Variants in C8orf89 observed in about 807,000 individuals in gnomAD.
C8orf89 encodes putative uncharacterized protein C8orf89.
Under a neutral mutation model 15.8 loss-of-function variants are expected in C8orf89, and 14 were observed. The observed-to-expected ratio is 0.89, with a 90% confidence interval of 0.59 to 1.39. The LOEUF (loss-of-function observed/expected upper bound fraction) is 1.39. C8orf89 is among the 40% of genes most tolerant of loss of function. The pLI is 0.00. For synonymous variants in C8orf89, 55 were observed against 62.2 expected, an observed-to-expected ratio of 0.88 and a Z score of 0.54; for missense variants, 181 against 184.5, an observed-to-expected ratio of 0.98 and a Z score of 0.11.
intron 3 of C8orf89, among the ~76,000 whole-genome samples, chr8:73,249,973 T>C (rs999723221): frequency 1.3e-5 from 2 of 152,136 alleles, no homozygotes; most frequent in South Asian, 2.1e-4. Flanking sequence ...TTTTAGGCTT[T>C]TTTTGTGGTA....
intron 3 of C8orf89, among the ~76,000 whole-genome samples, chr8:73,243,954 A>T (rs1184790736): frequency 6.6e-6 from 1 of 152,174 alleles, no homozygotes; most frequent in African/African-American, 2.4e-5. Flanking sequence ...AAAAACCGCA[A>T]TTACTTTTGC....
intron 3 of C8orf89, among the ~76,000 whole-genome samples, chr8:73,247,238 C>A (rs1385905616): frequency 2.1e-5 from 3 of 145,624 alleles, no homozygotes; most frequent in Non-Finnish European, 4.5e-5. Flanking sequence ...ATAATGGCCT[C>A]CAGCTCCATC....
the C8orf89 span, among the ~76,000 whole-genome samples, chr8:73,272,724 G>A: frequency 2.6e-4 from 39 of 152,072 alleles, no homozygotes; most frequent in African/African-American, 8.7e-4. Flanking sequence ...TTGTCCTTGC[G>A]ATAGTTTGCT....
chr8:73,276,238 G>T, the C8orf89 span, among the ~76,000 whole-genome samples: 1 of 146,418 alleles, frequency 6.8e-6, no homozygotes, highest in Non-Finnish European at 1.5e-5. Context: ...GTGCAGTGGT[G>T]CAATCTCGGC....
chr8:73,279,274 G>T, the C8orf89 span, among the ~76,000 whole-genome samples: 280 of 152,258 alleles, frequency 1.8e-3, no homozygotes, highest in African/African-American at 6.4e-3. Flanking sequence ...AGGATTCCTT[G>T]AATTACAGGA....
At chr8:73,252,270 G>C (rs1813267242) in intron 2 of C8orf89, among the ~76,000 whole-genome samples, 2 of 152,114 alleles carry the variant, frequency 1.3e-5, no homozygotes, top group East Asian at 3.8e-4. Flanking sequence ...TCCAACTATA[G>C]GAAGTGATGA....
the C8orf89 span, among the ~76,000 whole-genome samples, chr8:73,270,438 G>A: frequency 6.6e-6 from 1 of 152,128 alleles, no homozygotes; most frequent in Non-Finnish European, 1.5e-5. Context: ...TAATTTTTGA[G>A]TTAAACAAAC....
the C8orf89 span, among the ~76,000 whole-genome samples, chr8:73,273,033 A>G: frequency 1.8e-4 from 27 of 152,376 alleles, no homozygotes; most frequent in African/African-American, 6.5e-4. Context: ...CAGAGAAATT[A>G]GGAGCCTCAA....
the C8orf89 span, among the ~76,000 whole-genome samples, chr8:73,282,072 C>G: frequency 6.6e-6 from 1 of 152,216 alleles, no homozygotes; most frequent in South Asian, 2.1e-4. Context: ...ATGTTGGGAT[C>G]TGTTTGTCAC....
At chr8:73,269,526 T>A in the C8orf89 span, among the ~76,000 whole-genome samples, 1 of 152,246 alleles carries the variant, frequency 6.6e-6, no homozygotes, top group Non-Finnish European at 1.5e-5. Context: ...CAATGGCAGA[T>A]GCACAGTGTT....
chr8:73,259,108 A>G (rs1224347979), intron 1 of C8orf89, among the ~76,000 whole-genome samples: 1 of 152,210 alleles, frequency 6.6e-6, no homozygotes, highest in Non-Finnish European at 1.5e-5. Context: ...TTGAGTTTAA[A>G]AAAAAAGAAA....
At chr8:73,274,733 T>A in the C8orf89 span, among the ~76,000 whole-genome samples, 1 of 152,180 alleles carries the variant, frequency 6.6e-6, no homozygotes, top group Admixed American at 6.5e-5. Context: ...TAACTGCACG[T>A]AGGTATAGGA....
Position 73,257,042 on chromosome 8 carries a change from CTT to C in C8orf89, c.210_211del (p.Ser71CysfsTer10). ...AACCTCTAGTGGAGTTGAACTTACA[CTT>C]TTTTGGCAACTTTGCAGTCCTGGTA... On this transcript the variant is annotated frameshift_variant, in exon 2 of 4. Transcript: ENST00000624510. LOFTEE classifies it high-confidence loss of function. 3 of 1,535,852 alleles carry C rather than the reference CTT, an allele frequency of 2.0e-6. No individual in the cohort carries two copies. The highest frequency in any genetic ancestry group is 2.6e-6 in the Non-Finnish European group (3 of 1,146,774).
chr8:73,255,016 TAGA>T (rs1484116823), intron 2 of C8orf89, among the ~76,000 whole-genome samples: 1 of 152,008 alleles, frequency 6.6e-6, no homozygotes, highest in Non-Finnish European at 1.5e-5. Context: ...ATAAAAACCC[TAGA>T]AGAAAACCTA....
intron 3 of C8orf89, among the ~76,000 whole-genome samples, chr8:73,248,275 C>T (rs1813169109): frequency 1.3e-5 from 2 of 152,082 alleles, no homozygotes; most frequent in African/African-American, 4.8e-5. Context: ...TTTCTGATCT[C>T]TCTATTGTGT....
chr8:73,243,097 A>C (rs1563529044), intron 3 of C8orf89, among the ~76,000 whole-genome samples: 2 of 152,204 alleles, frequency 1.3e-5, no homozygotes, highest in African/African-American at 4.8e-5. Flanking sequence ...GTGGGTGCTA[A>C]AAACTAGAAC....
At chr8:73,254,382 G>A (rs1438674959) in intron 2 of C8orf89, among the ~76,000 whole-genome samples, 1 of 152,056 alleles carries the variant, frequency 6.6e-6, no homozygotes, top group Admixed American at 6.5e-5. Flanking sequence ...AAGGATATTG[G>A]TCTAAAATTC....
At chr8:73,250,890 C>T (rs1813231544) in intron 2 of C8orf89, among the ~76,000 whole-genome samples, 1 of 152,074 alleles carries the variant, frequency 6.6e-6, no homozygotes, top group South Asian at 2.1e-4. Flanking sequence ...CTTTGAACTC[C>T]TAGGCTCAAG....
intron 3 of C8orf89, among the ~76,000 whole-genome samples, chr8:73,243,192 G>C (rs1379858234): frequency 6.6e-6 from 1 of 152,130 alleles, no homozygotes; most frequent in Non-Finnish European, 1.5e-5. Flanking sequence ...GGGAAGTGGG[G>C]ATGGTTTATA....
Sources: gnomAD v4.1 joint callset for allele counts (sites outside exome capture counted in the v4.1 genomes callset) on GRCh38, gnomAD v4.1.1 for gene constraint, MANE v1.5 for transcripts, NCBI Gene and HGNC (gene_info 2026-07-23, HGNC 2026-07-21) for gene names.